DST: variants seen among roughly 807,000 people sequenced by gnomAD.
DST encodes the protein dystonin.
In DST, 253 loss-of-function variants were observed where a neutral mutation model predicts 875.2. The ratio of observed to expected loss-of-function variants is 0.29; its 90% confidence interval spans 0.26 to 0.32. DST has a LOEUF of 0.32. Ranked by LOEUF, DST falls within the 10% of genes least tolerant of loss-of-function variation. The pLI, the probability that DST is intolerant of heterozygous loss-of-function variation, is 1.00. For missense variants in DST, 8,287 were observed against 9,111.6 expected (o/e 0.91, Z 3.68); for synonymous variants, 3,124 against 3,197.1 (o/e 0.98, Z 0.77).
intron 34 of DST, among the ~76,000 whole-genome samples, chr6:56,626,392 T>C (rs2098735418): frequency 6.6e-6 from 1 of 152,270 alleles, no homozygotes; most frequent in South Asian, 2.1e-4. Flanking sequence ...ACCTTTAATA[T>C]GTTTAGATAC....
chr6:56,823,205 G>C (rs543474105), intron 4 of DST, among the ~76,000 whole-genome samples: 11 of 152,214 alleles, frequency 7.2e-5, no homozygotes, highest in Non-Finnish European at 1.5e-4. Flanking sequence ...AAGTCTGTCC[G>C]TGAATTTTGC....
intron 55 of DST, among the ~76,000 whole-genome samples, chr6:56,565,990 C>T (rs1319960132): frequency 6.6e-6 from 1 of 152,314 alleles, no homozygotes; most frequent in East Asian, 1.9e-4. Flanking sequence ...AGTTTGTTTA[C>T]ACTGTGAGGG....
chr6:56,657,453 C>A (rs111698270), intron 10 of DST, among the ~76,000 whole-genome samples: 3 of 151,848 alleles, frequency 2.0e-5, no homozygotes, highest in Admixed American at 6.6e-5. Context: ...GAATAAAAAA[C>A]CCACCTAAAC....
In DST at chr6:56,471,942, G is replaced by A. The variant is rs146347861; in HGVS notation, c.22158+117C>T. 5.6e-4 allele frequency: 569 copies of A among 1,012,660 alleles called. 2 individuals are homozygous for A. The African/African-American group carries it at 8.2e-3, about 15-fold the overall frequency. The allele number at this position is 1,012,660 out of a possible 1,614,324, so 62.7% of individuals were successfully genotyped here. ...GGAAATTTAAAAATGTACTCAAATA[G>A]CAAGAGTTTGCTTATTATCAGAAAA... On this transcript the variant is annotated intron_variant, in intron 94 of 103. Transcript: ENST00000680361.
chr6:56,603,833 T>C lies in DST; in HGVS notation c.10791+4A>G. 6.2e-7 allele frequency: 1 copy of C among 1,605,926 alleles called. No homozygotes were observed. Among genetic ancestry groups the C allele is most frequent in the Non-Finnish European group, 8.5e-7 (1 of 1,176,578 alleles). On this transcript the variant is annotated splice_donor_region_variant and intron_variant, in intron 40 of 103. Coordinates refer to ENST00000680361, the MANE Select transcript of DST (RefSeq NM_001374736.1). ...TTCTGTATAAAATGTATAGGTCAACTTACTTGTTCGGTTGAGCTATCTCCA... is the reference window on the plus strand; with the variant it reads ...TTCTGTATAAAATGTATAGGTCAACCTACTTGTTCGGTTGAGCTATCTCCA...
intron 80 of DST, 148 bp downstream of exon 80, chr6:56,500,932 T>G (rs1245801320): frequency 1.8e-5 from 13 of 719,850 alleles, no homozygotes. Flanking sequence ...ATGTTTTAAG[T>G]AGTTAACCTT....
chr6:56,535,172 G>A lies in DST; in HGVS notation c.16891C>T (p.Pro5631Ser), dbSNP rs2096971957. Reference protein sequence around the residue: ...DTEELVANQKPPSAEFKVVKA... With the variant: ...DTEELVANQKSPSAEFKVVKA... ...ACCACTTTGAACTCAGCCGACGGGG[G>A]CTTCTGATTGGCCACAAGCTCCTCA... Residue 5631 changes from proline to serine, a missense_variant, in exon 63 of 104, where the codon CCC (proline) becomes TCC (serine). Transcript: ENST00000680361. 6.2e-7 allele frequency: 1 copy of A among 1,613,600 alleles called. No homozygotes were observed. Among genetic ancestry groups the A allele is most frequent in the Admixed American group, 1.7e-5 (1 of 59,956 alleles).
chr6:56,692,652 G>C, intron 9 of DST: 1 of 1,289,642 alleles, frequency 7.8e-7, no homozygotes, highest in Non-Finnish European at 1.0e-6. Context: ...ATGTTATTTC[G>C]CTTGTGTTGA....
intron 4 of DST, among the ~76,000 whole-genome samples, chr6:56,791,597 G>A (rs1012159599): frequency 4.0e-5 from 6 of 151,896 alleles, no homozygotes; most frequent in African/African-American, 1.5e-4. Context: ...ACCAGCCTAC[G>A]CAACATAGGA....
chr6:56,486,231 C>A (rs1201611316), intron 87 of DST, among the ~76,000 whole-genome samples: 3 of 151,676 alleles, frequency 2.0e-5, no homozygotes, highest in Admixed American at 6.6e-5. Context: ...GGCGTAGTGG[C>A]GGACGCCTGT....
intron 4 of DST, among the ~76,000 whole-genome samples, chr6:56,807,012 T>C (rs775222662): frequency 3.9e-5 from 6 of 152,116 alleles, no homozygotes; most frequent in East Asian, 1.9e-4. Context: ...ACTACGTTCA[T>C]AGATCAAATG....
chr6:56,749,383 T>C (rs1163743265), intron 4 of DST, among the ~76,000 whole-genome samples: 1 of 152,012 alleles, frequency 6.6e-6, no homozygotes, highest in East Asian at 1.9e-4. Context: ...GCTTGGGAGC[T>C]CTTGCCTTTC....
intron 2 of DST, among the ~76,000 whole-genome samples, chr6:56,933,415 G>C (rs965615557): frequency 6.6e-6 from 1 of 152,190 alleles, no homozygotes; most frequent in Non-Finnish European, 1.5e-5. Context: ...TTCAGCATAA[G>C]CTGCACTATT....
chr6:56,952,772 A>T (rs1306896435), intron 2 of DST, among the ~76,000 whole-genome samples: 1 of 152,214 alleles, frequency 6.6e-6, no homozygotes, highest in Non-Finnish European at 1.5e-5. Flanking sequence ...CAGCTAGTTA[A>T]TGTAAAGCCA....
At chr6:56,528,813 T>A in intron 67 of DST, 28 bp downstream of exon 67, 1 of 1,384,540 alleles carries the variant, frequency 7.2e-7, no homozygotes, top group African/African-American at 1.4e-5. Flanking sequence ...GCTGACCACA[T>A]GATGATTTGA....
Position 56,553,761 on chromosome 6 carries a change from A to C in DST, c.15137-106T>G, listed in dbSNP as rs940204576. On this transcript the variant is annotated intron_variant, in intron 60 of 103. Transcript: ENST00000680361. The stretch of plus-strand genomic sequence containing the variant: ...GAATGAATATATAGAATTGTTGAAA[A>C]GCAAGGGCTTTTAGCATTGACTATA... The C allele has an allele frequency of 9.0e-6, 10 of 1,105,350 alleles. No homozygotes were observed. The African/African-American group carries it at 1.3e-4, about 14-fold the overall frequency. The allele number at this position is 1,105,350 out of a possible 1,614,324, so 68.5% of individuals were successfully genotyped here. A position where few individuals can be genotyped will look rare whatever the true frequency, so the allele number is the denominator to read the frequency against.
chr6:56,847,911 A>G (rs2099808977), intron 4 of DST, among the ~76,000 whole-genome samples: 1 of 152,228 alleles, frequency 6.6e-6, no homozygotes, highest in Non-Finnish European at 1.5e-5. Context: ...GATATTTTAT[A>G]TATTAATGAG....
chr6:56,855,316 T>C (rs894208930), intron 3 of DST, among the ~76,000 whole-genome samples: 2 of 152,204 alleles, frequency 1.3e-5, no homozygotes, highest in Non-Finnish European at 2.9e-5. Flanking sequence ...GGCATAAAAA[T>C]ATCACCAAAC....
intron 41 of DST, 69 bp from the exon 42 acceptor site, chr6:56,603,489 G>C: frequency 6.3e-7 from 1 of 1,590,552 alleles, no homozygotes. Context: ...ATGAAACATA[G>C]AAGTGTTCTG....
Sources: allele counts gnomAD v4.1 joint callset (sites outside exome capture counted in the v4.1 genomes callset), GRCh38; gene constraint gnomAD v4.1.1; transcripts MANE v1.5; gene names NCBI Gene and HGNC (gene_info 2026-07-23, HGNC 2026-07-21).